Variants in KCND2 observed in about 807,000 individuals in gnomAD.
The protein encoded by KCND2 is potassium voltage-gated channel subfamily D member 2.
Under a neutral mutation model 54.4 loss-of-function variants are expected in KCND2, and 16 were observed. The ratio of observed to expected loss-of-function variants is 0.29; its 90% CI spans 0.20 to 0.45. KCND2 has a LOEUF of 0.45. Among genes scored for constraint, KCND2 ranks in the 20% least tolerant of loss-of-function variants. The pLI, the probability that KCND2 is intolerant of heterozygous loss-of-function variation, is 1.00. For missense variants in KCND2, 486 were observed against 824.2 expected (o/e 0.59, Z 5.02); for synonymous variants, 317 against 310.7 (o/e 1.02, Z -0.21).
intron 1 of KCND2, among the ~76,000 whole-genome samples, chr7:120,300,396 C>CAAT (rs1799569014): frequency 6.6e-6 from 1 of 152,030 alleles, no homozygotes; most frequent in South Asian, 2.1e-4. Flanking sequence ...TATCTTTAAG[C>CAAT]TCTGGATTTG....
intron 1 of KCND2, among the ~76,000 whole-genome samples, chr7:120,484,190 A>G (rs566684638): frequency 1.3e-5 from 2 of 152,296 alleles, no homozygotes; most frequent in Non-Finnish European, 2.9e-5. Flanking sequence ...GTGAGGGTAC[A>G]GGACACATTC....
intron 1 of KCND2, among the ~76,000 whole-genome samples, chr7:120,277,334 G>A (rs1174523473): frequency 2.6e-5 from 4 of 152,016 alleles, no homozygotes; most frequent in Non-Finnish European, 5.9e-5. Flanking sequence ...CGCAGTGTAG[G>A]TGCTGATTCT....
intron 1 of KCND2, among the ~76,000 whole-genome samples, chr7:120,487,204 G>C (rs907861255): frequency 1.3e-5 from 2 of 151,632 alleles, no homozygotes; most frequent in African/African-American, 2.4e-5. Context: ...GCTCTTACTA[G>C]AAAAAAATAA....
At chr7:120,604,371 G>T (rs1371492587) in intron 1 of KCND2, among the ~76,000 whole-genome samples, 1 of 149,998 alleles carries the variant, frequency 6.7e-6, no homozygotes, top group Non-Finnish European at 1.5e-5. Flanking sequence ...AAGTAGCTGG[G>T]CAAGTAGTCC....
In KCND2 at chr7:120,276,460, CA is replaced by C. The variant is rs563563555; in HGVS notation, c.1115+714del. On this transcript the variant is annotated intron_variant, in intron 1 of 5. Transcript: ENST00000331113. ...AAGAAGCAAAAGACTGTCATCCACACATTTTTTTTTAGAATCTACAGATCCC... is the reference window on the plus strand; with the variant it reads ...AAGAAGCAAAAGACTGTCATCCACACTTTTTTTTTAGAATCTACAGATCCC... 4.0e-5 allele frequency among the ~76,000 whole-genome samples: 6 copies of C among 148,312 alleles called. No individual in the cohort carries two copies. The South Asian group carries it at 1.3e-3, about 31-fold the overall frequency.
intron 1 of KCND2, among the ~76,000 whole-genome samples, chr7:120,581,748 G>A (rs994429248): frequency 5.3e-5 from 8 of 151,508 alleles, no homozygotes; most frequent in Admixed American, 3.9e-4. Flanking sequence ...AGTCTTCCTC[G>A]GTGCCCAGGC....
chr7:120,624,716 G>A (rs941646890), intron 1 of KCND2, among the ~76,000 whole-genome samples: 12 of 152,022 alleles, frequency 7.9e-5, no homozygotes, highest in African/African-American at 2.9e-4. Context: ...AGGAGGACAA[G>A]GTTGCAGTGA....
chr7:120,502,994 G>T (rs1010113726), intron 1 of KCND2, among the ~76,000 whole-genome samples: 2 of 152,044 alleles, frequency 1.3e-5, no homozygotes, highest in Non-Finnish European at 2.9e-5. Flanking sequence ...AAGGAAACTG[G>T]TTTTTCAGTT....
At position 120,724,823 on chromosome 7, in the gene KCND2, C is replaced by T. The variant is rs1196647216; in HGVS notation, c.1116-8080C>T. 3.9e-5 allele frequency among the ~76,000 whole-genome samples: 6 copies of T among 152,028 alleles called. No individual in the cohort carries two copies. In the East Asian group the frequency reaches 1.2e-3, roughly 29 times the overall value. ...GTGTACCTCTCAGTAATCAGTTGTACATCTATTTTCATAACTTCTTTAAAA... is the reference window on the plus strand; with the variant it reads ...GTGTACCTCTCAGTAATCAGTTGTATATCTATTTTCATAACTTCTTTAAAA... On this transcript the variant is annotated intron_variant, in intron 1 of 5. Transcript: ENST00000331113.
rs1341607854 is a variant in KCND2, at chr7:120,650,222, G to C, written c.1116-82681G>C. 2.4e-4 allele frequency among the ~76,000 whole-genome samples: 34 copies of C among 143,428 alleles called. 4 individuals carry two copies. Among genetic ancestry groups the C allele is most frequent in the Non-Finnish European group, 4.4e-4 (29 of 66,000 alleles). 94.1% of individuals were successfully genotyped at this position (143,428 alleles called of 152,430 possible). A position where few individuals can be genotyped will look rare whatever the true frequency, so the allele number is the denominator to read the frequency against. Reference sequence around the variant, plus strand: ...ATCCTGCAAAGTGTTTTCCAACTTGGTTCCATTCTCCCCGTCACTTTCAGG... The same window carrying C: ...ATCCTGCAAAGTGTTTTCCAACTTGCTTCCATTCTCCCCGTCACTTTCAGG... On this transcript the variant is annotated intron_variant, in intron 1 of 5. Transcript: ENST00000331113.
intron 1 of KCND2, among the ~76,000 whole-genome samples, chr7:120,436,402 T>C (rs1801866525): frequency 1.3e-5 from 2 of 152,232 alleles, no homozygotes; most frequent in African/African-American, 2.4e-5. Context: ...ATATAATCCT[T>C]AGAATGCAAT....
At chr7:120,693,458 G>A (rs897434480) in intron 1 of KCND2, among the ~76,000 whole-genome samples, 2 of 151,820 alleles carry the variant, frequency 1.3e-5, no homozygotes, top group African/African-American at 2.4e-5. Context: ...ATAGTACTTA[G>A]CAAATGGGAA....
intron 1 of KCND2, among the ~76,000 whole-genome samples, chr7:120,427,742 ATTC>A (rs569007569): frequency 1.5e-3 from 221 of 152,228 alleles, no homozygotes; most frequent in African/African-American, 5.0e-3. Flanking sequence ...AAAAATCAGG[ATTC>A]TTGTTTTGTT....
chr7:120,481,812 C>A (rs960378505), intron 1 of KCND2, among the ~76,000 whole-genome samples: 2 of 152,180 alleles, frequency 1.3e-5, no homozygotes, highest in Non-Finnish European at 2.9e-5. Flanking sequence ...TGCAGGCATG[C>A]AGAATTCAAG....
At chr7:120,301,234 T>C (rs1584719829) in intron 1 of KCND2, among the ~76,000 whole-genome samples, 1 of 152,186 alleles carries the variant, frequency 6.6e-6, no homozygotes, top group Non-Finnish European at 1.5e-5. Flanking sequence ...GTAATATTAC[T>C]ATAGTTATCT....
intron 1 of KCND2, among the ~76,000 whole-genome samples, chr7:120,611,431 A>G (rs2116487079): frequency 6.6e-6 from 1 of 152,292 alleles, no homozygotes; most frequent in Non-Finnish European, 1.5e-5. Flanking sequence ...TTGGTGCCCT[A>G]CATTTGCAGG....
chr7:120,481,364 T>C (rs1290686716), intron 1 of KCND2, among the ~76,000 whole-genome samples: 2 of 152,206 alleles, frequency 1.3e-5, no homozygotes, highest in African/African-American at 4.8e-5. Context: ...CAGATTTTTA[T>C]AATTAAAATA....
intron 1 of KCND2, among the ~76,000 whole-genome samples, chr7:120,284,738 A>C (rs2116262776): frequency 6.6e-6 from 1 of 152,302 alleles, no homozygotes; most frequent in South Asian, 2.1e-4. Flanking sequence ...AGTTAGTGGA[A>C]GAATCTAAGC....
intron 1 of KCND2, among the ~76,000 whole-genome samples, chr7:120,446,700 T>C (rs535600550): frequency 2.0e-4 from 30 of 152,330 alleles, no homozygotes; most frequent in Admixed American, 2.0e-3. Flanking sequence ...CCTATACTCA[T>C]AGATGAACTG....
Sources: allele counts gnomAD v4.1 joint callset (sites outside exome capture counted in the v4.1 genomes callset), GRCh38; gene constraint gnomAD v4.1.1; transcripts MANE v1.5; gene names NCBI Gene and HGNC (gene_info 2026-07-23, HGNC 2026-07-21).